Variants in ILRUN observed in about 807,000 individuals in gnomAD.
ILRUN encodes the protein protein ILRUN.
ILRUN carries 3 observed loss-of-function variants against 33.8 expected under a neutral mutation model. That is an observed-to-expected ratio of 0.09 (90% CI 0.04 to 0.23). ILRUN has a LOEUF of 0.23. ILRUN is among the 10% of genes least tolerant of loss of function. The pLI is 1.00. For missense variants in ILRUN, 210 were observed against 375.1 expected (o/e 0.56, Z 3.64); for synonymous variants, 124 against 138.9 (o/e 0.89, Z 0.75).
intron 1 of ILRUN, among the ~76,000 whole-genome samples, chr6:34,693,615 TG>T (rs1247221406): frequency 6.6e-6 from 1 of 152,062 alleles, no homozygotes; most frequent in East Asian, 1.9e-4. Context: ...TGCTACTCCA[TG>T]GCTTTGAGCA....
intron 3 of ILRUN, among the ~76,000 whole-genome samples, chr6:34,631,417 T>G (rs988740594): frequency 4.6e-5 from 7 of 151,668 alleles, no homozygotes; most frequent in African/African-American, 1.7e-4. Context: ...AACCTCCGCC[T>G]CCTGGGTTCA....
chr6:34,681,672 T>A (rs544854294), intron 1 of ILRUN, among the ~76,000 whole-genome samples: 1 of 152,250 alleles, frequency 6.6e-6, no homozygotes. Context: ...GGGTTTCTTG[T>A]TCTCCAACAA....
intron 3 of ILRUN, among the ~76,000 whole-genome samples, chr6:34,618,146 G>A (rs1276221166): frequency 1.3e-5 from 2 of 152,122 alleles, no homozygotes; most frequent in African/African-American, 4.8e-5. Flanking sequence ...AAACCTGGCT[G>A]GGGCTGAAAA....
At chr6:34,619,037 CA>C (rs1254443040) in intron 3 of ILRUN, among the ~76,000 whole-genome samples, 1 of 152,032 alleles carries the variant, frequency 6.6e-6, no homozygotes, top group African/African-American at 2.4e-5. Context: ...TGTAGCAACA[CA>C]AAGGTCACTG....
chr6:34,607,986 G>T (rs1168635163), intron 3 of ILRUN, among the ~76,000 whole-genome samples: 1 of 152,054 alleles, frequency 6.6e-6, no homozygotes, highest in Non-Finnish European at 1.5e-5. Context: ...CCAGCTACTT[G>T]GGGGACAGAG....
At position 34,654,705 on chromosome 6, in the gene ILRUN, A is replaced by G. The variant is rs746154191; in HGVS notation, c.233T>C (p.Val78Ala). 20 of 1,614,066 alleles carry G rather than the reference A, an allele frequency of 1.2e-5. No individual in the cohort carries two copies. Among genetic ancestry groups the G allele is most frequent in the Non-Finnish European group, 1.5e-5 (18 of 1,179,910 alleles). ...CCCTTCTCCTATGGTGACATCTTCAACAAAGGACATAGAGGGCACACTGAT... is the reference window on the plus strand; with the variant it reads ...CCCTTCTCCTATGGTGACATCTTCAGCAAAGGACATAGAGGGCACACTGAT... ...PNISVPSMSF[V>A]EDVTIGEGES... is the part of the protein sequence containing the mutation. Residue 78 changes from valine to alanine, a missense_variant, in exon 2 of 5, where the codon GTT becomes GCT. Coordinates refer to ENST00000374023, the MANE Select transcript of ILRUN (RefSeq NM_024294.4).
chr6:34,683,594 C>A (rs1037725082), intron 1 of ILRUN, among the ~76,000 whole-genome samples: 1 of 149,546 alleles, frequency 6.7e-6, no homozygotes, highest in African/African-American at 2.5e-5. Flanking sequence ...ACAGAAAGGT[C>A]TGAAGAAATT....
intron 2 of ILRUN, among the ~76,000 whole-genome samples, chr6:34,648,044 A>G (rs571282575): frequency 1.3e-5 from 2 of 152,196 alleles, no homozygotes; most frequent in East Asian, 3.9e-4. Flanking sequence ...AATTCATGAG[A>G]TATCTATGTG....
At chr6:34,620,290 C>G (rs950422191) in intron 3 of ILRUN, among the ~76,000 whole-genome samples, 2 of 151,854 alleles carry the variant, frequency 1.3e-5, no homozygotes, top group African/African-American at 4.8e-5. Context: ...AAGGAAATTC[C>G]CTAGGATGGT....
chr6:34,679,451 C>T (rs1763310105), intron 1 of ILRUN, among the ~76,000 whole-genome samples: 2 of 151,940 alleles, frequency 1.3e-5, no homozygotes, highest in South Asian at 4.2e-4. Flanking sequence ...GATTTAACTA[C>T]AAGAAATGTT....
At chr6:34,603,653 A>T (rs1424814218) in intron 4 of ILRUN, among the ~76,000 whole-genome samples, 1 of 152,156 alleles carries the variant, frequency 6.6e-6, no homozygotes, top group African/African-American at 2.4e-5. Context: ...ATACATACAC[A>T]CAAACACAAA....
rs368491252 is a variant in ILRUN at position 34,606,829 on chromosome 6, G to A, written c.587C>T (p.Thr196Met). The change falls in exon 4 of 5, where the codon ACG becomes ATG. Residue 196 changes from threonine to methionine, a missense_variant. Physicochemically the swap from Thr to Met is moderately conservative, Grantham distance 81 (BLOSUM62 -1). Coordinates refer to ENST00000374023, the MANE Select transcript of ILRUN (RefSeq NM_024294.4). ...GVTQQLSSFETEFNTQPHRKV... is the reference protein window; with the variant it reads ...GVTQQLSSFEMEFNTQPHRKV... ...ACGATGCGGCTGTGTGTTGAACTCC[G>A]TTTCAAAAGATGACAGCTGCTGCGT... is the stretch of plus-strand genomic sequence containing the variant. 5 of 1,613,964 alleles carry A rather than the reference G, an allele frequency of 3.1e-6. No individual in the cohort carries two copies. Among genetic ancestry groups the A allele is most frequent in the Non-Finnish European group, 4.2e-6 (5 of 1,180,036 alleles).
At chr6:34,605,772 G>C (rs1281752621) in intron 4 of ILRUN, among the ~76,000 whole-genome samples, 1 of 152,164 alleles carries the variant, frequency 6.6e-6, no homozygotes, top group African/African-American at 2.4e-5. Context: ...AGCCAGGACA[G>C]ACCTAACAGT....
intron 1 of ILRUN, among the ~76,000 whole-genome samples, chr6:34,664,578 T>C (rs1009865734): frequency 1.3e-5 from 2 of 152,220 alleles, no homozygotes; most frequent in East Asian, 3.8e-4. Flanking sequence ...CCCATTCTTG[T>C]TGCCCCCTGA....
chr6:34,593,011 C>T lies in ILRUN; in HGVS notation c.862-2411G>A, dbSNP rs957467569. Among the ~76,000 whole-genome samples the T allele has an allele frequency of 6.6e-5, 10 of 151,954 alleles. No homozygotes were observed. The East Asian group carries it at 9.7e-4, about 15-fold the overall frequency. On this transcript the variant is annotated intron_variant, in intron 4 of 4. Transcript: ENST00000374023. ...GTAACACAGTGTGACTCCATCTCCA[C>T]GCGCAAATTTTTTTTTAATTAGTTG...
At chr6:34,681,845 ATTTTTTTTTT>A (rs1168522578) in intron 1 of ILRUN, among the ~76,000 whole-genome samples, 1 of 85,402 alleles carries the variant, frequency 1.2e-5, no homozygotes, top group Non-Finnish European at 2.2e-5. Flanking sequence ...CCACCACTAC[ATTTTTTTTTT>A]TTTTTTTTTT....
intron 1 of ILRUN, among the ~76,000 whole-genome samples, chr6:34,688,031 G>A (rs967285345): frequency 2.6e-5 from 4 of 151,782 alleles, no homozygotes; most frequent in African/African-American, 9.7e-5. Context: ...CACCCCAAAT[G>A]TCTACCAACG....
In ILRUN at chr6:34,637,834, CTGT is replaced by C. The variant is rs776588373; in HGVS notation, c.511+8764_511+8766del. 3.1e-3 allele frequency among the ~76,000 whole-genome samples: 457 copies of C among 148,554 alleles called. 1 individual carries two copies. The highest frequency in any genetic ancestry group is 5.1e-3 in the Non-Finnish European group (341 of 67,426). On this transcript the variant is annotated intron_variant, in intron 3 of 4. Transcript: ENST00000374023. ...TGAACAGTACAGTCATTTCACATTG[CTGT>C]TGTTGTTGCTGCTGCTGCTGCTGCT... is the stretch of plus-strand genomic sequence containing the variant.
intron 3 of ILRUN, among the ~76,000 whole-genome samples, chr6:34,614,443 A>ATATAT (rs775273061): frequency 2.1e-4 from 28 of 133,582 alleles, no homozygotes; most frequent in African/African-American, 3.7e-4. Context: ...AAAAAAAAAA[A>ATATAT]ATATATATAT....
Sources: allele counts gnomAD v4.1 joint callset (sites outside exome capture counted in the v4.1 genomes callset), GRCh38; gene constraint gnomAD v4.1.1; transcripts MANE v1.5; gene names NCBI Gene and HGNC (gene_info 2026-07-23, HGNC 2026-07-21).